Variants in TXNRD1 observed in about 807,000 individuals in gnomAD.
The protein encoded by TXNRD1 is thioredoxin reductase 1.
Under a neutral mutation model 80.3 loss-of-function variants are expected in TXNRD1, and 57 were observed. The ratio of observed to expected loss-of-function variants is 0.71; its 90% confidence interval spans 0.57 to 0.89. The LOEUF (loss-of-function observed/expected upper bound fraction) is 0.89, where lower values mean the gene tolerates loss of function less well. TXNRD1 is among the 40% of genes least tolerant of loss of function. The pLI, the probability that TXNRD1 is intolerant of heterozygous loss-of-function variation, is 0.00. For synonymous variants in TXNRD1, 291 were observed against 285.2 expected, an observed-to-expected ratio of 1.02 and a Z score of -0.20; for missense variants, 730 against 803.0, an observed-to-expected ratio of 0.91 and a Z score of 1.10.
chr12:104,287,049 A>C (rs2033991661), intron 3 of TXNRD1: 1 of 1,402,586 alleles, frequency 7.1e-7, no homozygotes, highest in African/African-American at 1.4e-5. Flanking sequence ...CATTTGCAGC[A>C]GAGCGAAAGG....
At chr12:104,224,542 C>T (rs1199710835) in intron 1 of TXNRD1, among the ~76,000 whole-genome samples, 2 of 152,064 alleles carry the variant, frequency 1.3e-5, no homozygotes, top group South Asian at 2.1e-4. Flanking sequence ...GTGGCCACCA[C>T]ACCCAGCTAA....
At chr12:104,307,236 TC>T (rs2135795599) in intron 4 of TXNRD1, among the ~76,000 whole-genome samples, 1 of 152,356 alleles carries the variant, frequency 6.6e-6, no homozygotes, top group Non-Finnish European at 1.5e-5. Context: ...TCTGCTTGTT[TC>T]TTGCTAATAC....
intron 4 of TXNRD1, among the ~76,000 whole-genome samples, chr12:104,293,049 G>T (rs957451176): frequency 6.6e-6 from 1 of 152,168 alleles, no homozygotes; most frequent in African/African-American, 2.4e-5. Flanking sequence ...AGTTCCTACT[G>T]CTCAAAGATG....
chr12:104,237,694 A>G (rs1448585730), intron 1 of TXNRD1, among the ~76,000 whole-genome samples: 1 of 152,160 alleles, frequency 6.6e-6, no homozygotes, highest in Non-Finnish European at 1.5e-5. Flanking sequence ...GTCTATAAAA[A>G]CAGCTCTAAT....
intron 15 of TXNRD1, among the ~76,000 whole-genome samples, chr12:104,334,860 G>A (rs2135872642): frequency 6.6e-6 from 1 of 152,286 alleles, no homozygotes; most frequent in South Asian, 2.1e-4. Context: ...AACTTACTGA[G>A]TGAAGGAACC....
chr12:104,250,003 TA>T (rs1353690022), intron 1 of TXNRD1, among the ~76,000 whole-genome samples: 1 of 149,000 alleles, frequency 6.7e-6, no homozygotes, highest in Admixed American at 6.7e-5. Context: ...TGATTAATAA[TA>T]AACATTTTGG....
intron 1 of TXNRD1, among the ~76,000 whole-genome samples, chr12:104,235,841 C>T (rs1046849286): frequency 7.9e-5 from 12 of 152,120 alleles, no homozygotes; most frequent in African/African-American, 2.7e-4. Flanking sequence ...CCTGTAGCCA[C>T]GTGGCAATAC....
chr12:104,282,288 G>A (rs2033895010), intron 3 of TXNRD1, among the ~76,000 whole-genome samples: 1 of 152,194 alleles, frequency 6.6e-6, no homozygotes, highest in African/African-American at 2.4e-5. Flanking sequence ...TATAGATAAA[G>A]CTGGTCTCAG....
chr12:104,266,609 G>A (rs796320671), intron 3 of TXNRD1, among the ~76,000 whole-genome samples: 3 of 151,966 alleles, frequency 2.0e-5, no homozygotes, highest in African/African-American at 7.2e-5. Context: ...GAGGCAAGCG[G>A]ATCACAAGGT....
intron 3 of TXNRD1, among the ~76,000 whole-genome samples, chr12:104,277,121 G>T (rs1162084148): frequency 6.6e-6 from 1 of 151,888 alleles, no homozygotes; most frequent in East Asian, 1.9e-4. Context: ...GCCGGGTGCG[G>T]TGGCTCATGA....
chr12:104,324,193 A>T (rs1191918571), intron 10 of TXNRD1, among the ~76,000 whole-genome samples: 1 of 152,162 alleles, frequency 6.6e-6, no homozygotes, highest in Non-Finnish European at 1.5e-5. Context: ...TTTTCCAAGG[A>T]TTAGAACATT....
chr12:104,326,352 G>A lies in TXNRD1; in HGVS notation c.1314G>A (p.Met438Ile), dbSNP rs756686225. 2 of 1,586,220 alleles carry A rather than the reference G, an allele frequency of 1.3e-6. No homozygotes were observed. Among genetic ancestry groups the A allele is most frequent in the Admixed American group, 3.6e-5 (2 of 55,582 alleles). ...EIIEGEYNTV[M>I]LAIGRDACTR... ...ATATATTAATAATTTTTCAGGTGAT[G>A]CTGGCAATAGGAAGAGATGCTTGCA... is the stretch of plus-strand genomic sequence containing the variant. Residue 438 changes from methionine (M) to isoleucine (I), a missense_variant, in exon 12 of 17, where the codon ATG (methionine) becomes ATA (isoleucine). Met to Ile is a conservative substitution (Grantham distance 10, BLOSUM62 1). Transcript: ENST00000525566.
intron 6 of TXNRD1, among the ~76,000 whole-genome samples, chr12:104,313,535 C>T (rs1389844323): frequency 6.6e-6 from 1 of 152,052 alleles, no homozygotes; most frequent in African/African-American, 2.4e-5. Context: ...AAGTAAGAAC[C>T]CTGTCTACAA....
chr12:104,308,496 TAATA>T (rs1244683874), intron 4 of TXNRD1, among the ~76,000 whole-genome samples: 2 of 152,122 alleles, frequency 1.3e-5, no homozygotes, highest in Non-Finnish European at 2.9e-5. Context: ...CGTTAACATT[TAATA>T]AATATATTAT....
intron 2 of TXNRD1, among the ~76,000 whole-genome samples, chr12:104,253,741 TG>T (rs1187550484): frequency 6.6e-6 from 1 of 152,184 alleles, no homozygotes; most frequent in Non-Finnish European, 1.5e-5. Context: ...TTGCCCAGGC[TG>T]GAGTGCAGTG....
chr12:104,321,138 T>G lies in TXNRD1; in HGVS notation c.1037T>G (p.Val346Gly). 6.2e-7 allele frequency: 1 copy of G among 1,613,688 alleles called. No homozygotes were observed. Among genetic ancestry groups the G allele is most frequent in the Non-Finnish European group, 8.5e-7 (1 of 1,179,824 alleles). ...TACTGCCCGGGTAAGACCCTGGTTGTTGGAGCATCCTATGTCGCTTTGGAG... is the reference window on the plus strand; with the variant it reads ...TACTGCCCGGGTAAGACCCTGGTTGGTGGAGCATCCTATGTCGCTTTGGAG... Reference protein sequence around the residue: ...LPYCPGKTLVVGASYVALECA... With the variant: ...LPYCPGKTLVGGASYVALECA... The change falls in exon 10 of 17, where the codon GTT becomes GGT. Residue 346 changes from valine (V) to glycine (G), a missense_variant. Transcript: ENST00000525566.
At chr12:104,292,237 T>C (rs2034245519) in intron 4 of TXNRD1, among the ~76,000 whole-genome samples, 1 of 152,142 alleles carries the variant, frequency 6.6e-6, no homozygotes. Context: ...TGATAAAGGA[T>C]GAAAGCTTTG....
intron 3 of TXNRD1, among the ~76,000 whole-genome samples, chr12:104,278,152 C>T (rs200891759): frequency 1.4e-5 from 2 of 146,614 alleles, no homozygotes; most frequent in East Asian, 4.0e-4. Context: ...GCTGGGATTA[C>T]AGGTGTGAGC....
At chr12:104,248,969 A>G (rs2033053690) in intron 1 of TXNRD1, among the ~76,000 whole-genome samples, 1 of 152,196 alleles carries the variant, frequency 6.6e-6, no homozygotes, top group Non-Finnish European at 1.5e-5. Context: ...GGCATGAGCC[A>G]CCGCCCCGGG....
Sources: gnomAD v4.1 joint callset for allele counts (sites outside exome capture counted in the v4.1 genomes callset) on GRCh38, gnomAD v4.1.1 for gene constraint, MANE v1.5 for transcripts, NCBI Gene and HGNC (gene_info 2026-07-23, HGNC 2026-07-21) for gene names.